The following MYO1E variants were observed in gnomAD, a reference collection of about 807,000 sequenced individuals.
MYO1E encodes myosin IE, also known as unconventional myosin-Ie.
A neutral mutation model predicts 151.1 loss-of-function variants in MYO1E; 68 were observed. The observed-to-expected ratio is 0.45, with a 90% confidence interval of 0.37 to 0.55. The LOEUF is 0.55. Ranked by LOEUF, MYO1E falls within the 20% of genes least tolerant of loss-of-function variation. The pLI is 0.00. For missense variants in MYO1E, 1,363 were observed against 1,389.3 expected (o/e 0.98, Z 0.30); for synonymous variants, 601 against 501.7 (o/e 1.20, Z -2.64).
intron 1 of MYO1E, among the ~76,000 whole-genome samples, chr15:59,280,404 C>A (rs1349483902): frequency 3.9e-5 from 6 of 152,096 alleles, no homozygotes; most frequent in African/African-American, 7.2e-5. Context: ...GTGGGCAGAT[C>A]ACTTGAGGTC....
intron 1 of MYO1E, among the ~76,000 whole-genome samples, chr15:59,346,353 C>A (rs997039750): frequency 2.0e-5 from 3 of 152,142 alleles, no homozygotes; most frequent in Non-Finnish European, 4.4e-5. Flanking sequence ...TAGCCCAGGC[C>A]ACTCTATTAA....
intron 26 of MYO1E, among the ~76,000 whole-genome samples, chr15:59,138,638 T>C (rs1280945909): frequency 1.3e-5 from 2 of 152,156 alleles, no homozygotes; most frequent in Non-Finnish European, 2.9e-5. Flanking sequence ...GAGACACATA[T>C]CCATAAAAAA....
intron 4 of MYO1E, among the ~76,000 whole-genome samples, chr15:59,237,986 G>C (rs2080077115): frequency 6.6e-6 from 1 of 152,166 alleles, no homozygotes; most frequent in African/African-American, 2.4e-5. Flanking sequence ...ACCTGCAAAA[G>C]TCTGAACCCA....
chr15:59,315,192 T>G (rs765700724), intron 1 of MYO1E, among the ~76,000 whole-genome samples: 1 of 152,106 alleles, frequency 6.6e-6, no homozygotes, highest in East Asian at 1.9e-4. Flanking sequence ...CAGACCATGA[T>G]TTTTTTAAGT....
intron 1 of MYO1E, among the ~76,000 whole-genome samples, chr15:59,362,166 T>C (rs1261203191): frequency 1.3e-5 from 2 of 152,174 alleles, no homozygotes; most frequent in African/African-American, 4.8e-5. Flanking sequence ...TCCACACAAA[T>C]ACATATATGT....
chr15:59,218,491 T>C (rs1388586715), intron 9 of MYO1E, among the ~76,000 whole-genome samples: 1 of 152,252 alleles, frequency 6.6e-6, no homozygotes, highest in East Asian at 1.9e-4. Context: ...ATTGTTTTCT[T>C]CCTTTTTAGT....
At chr15:59,151,064 CGTGCACTT>C (rs201414145) in intron 26 of MYO1E, among the ~76,000 whole-genome samples, 12 of 140,644 alleles carry the variant, frequency 8.5e-5, no homozygotes, top group East Asian at 6.0e-4. Context: ...CGCGCGCGCA[CGTGCACTT>C]AGAGAGAGGT....
rs11285934 is a variant in MYO1E, at chr15:59,233,661, T to TAA, written c.421-1872_421-1871dup. 5.1e-3 allele frequency among the ~76,000 whole-genome samples: 399 copies of TAA among 78,096 alleles called. 12 individuals carry two copies. The highest frequency in any genetic ancestry group is 9.3e-3 in the African/African-American group (193 of 20,726). 51.2% of individuals were successfully genotyped at this position (78,096 alleles called of 152,430 possible). On this transcript the variant is annotated intron_variant, in intron 5 of 27. Transcript: ENST00000288235. ...CCTGGCGACAGAGCGAGACTCCGTC[T>TAA]AAAAAAAAAAAAAAAAAAAAAAAAG...
chr15:59,271,265 A>G (rs542918190), intron 2 of MYO1E: 2 of 152,366 alleles, frequency 1.3e-5, no homozygotes, highest in South Asian at 4.1e-4. Context: ...TTAAGTAATC[A>G]TAATAAGCCA....
At chr15:59,220,147 A>G (rs562510729) in intron 9 of MYO1E, among the ~76,000 whole-genome samples, 55 of 152,158 alleles carry the variant, frequency 3.6e-4, no homozygotes, top group South Asian at 2.1e-3. Flanking sequence ...AAGGTCAGGT[A>G]AAAAAAACAA....
intron 26 of MYO1E, among the ~76,000 whole-genome samples, chr15:59,143,087 A>T (rs1341009858): frequency 6.6e-6 from 1 of 152,190 alleles, no homozygotes; most frequent in Non-Finnish European, 1.5e-5. Context: ...GGTCTTTGAT[A>T]TCAAGGCATC....
chr15:59,134,583 T>G lies in MYO1E; in HGVS notation c.*2797A>C, dbSNP rs929331147. ...CTCTCTCTCTTCTACAACTAAAGCT[T>G]GAACACCTCTACCCTAGGGTACACA... On this transcript the variant is annotated 3_prime_UTR_variant, in exon 28 of 28. Transcript: ENST00000288235. 6.6e-6 allele frequency: 1 copy of G among 152,228 alleles called. No individual in the cohort carries two copies. Among genetic ancestry groups the G allele is most frequent in the Non-Finnish European group, 1.5e-5 (1 of 68,060 alleles). 9.4% of individuals were successfully genotyped at this position (152,228 alleles called of 1,614,324 possible).
chr15:59,343,006 C>A (rs1210901278), intron 1 of MYO1E, among the ~76,000 whole-genome samples: 1 of 152,068 alleles, frequency 6.6e-6, no homozygotes, highest in Admixed American at 6.6e-5. Context: ...TGGGTTCATC[C>A]TTTCATCTTT....
chr15:59,331,277 A>C (rs370730518), intron 1 of MYO1E, among the ~76,000 whole-genome samples: 2 of 152,224 alleles, frequency 1.3e-5, no homozygotes, highest in African/African-American at 4.8e-5. Flanking sequence ...TGCTCAGTCC[A>C]CAGGTGGACT....
At chr15:59,217,822 C>T in intron 10 of MYO1E, 69 bp downstream of exon 10, 1 of 1,565,554 alleles carries the variant, frequency 6.4e-7, no homozygotes, top group Non-Finnish European at 8.8e-7. Flanking sequence ...GCCACCGCAC[C>T]CAGCCTACTA....
At position 59,161,822 on chromosome 15, in the gene MYO1E, T is replaced by C. The variant is rs542401683; in HGVS notation, c.2628-592A>G. Among the ~76,000 whole-genome samples, 12 of 152,342 alleles carry C rather than the reference T, an allele frequency of 7.9e-5. No individual in the cohort carries two copies. In the South Asian group the frequency reaches 2.3e-3, roughly 29 times the overall value. ...CCATCCAGTTTTAATGCTTCTATAT[T>C]GCATATATGCCTGTATTATGCAATC... is the stretch of plus-strand genomic sequence containing the variant. On this transcript the variant is annotated intron_variant, in intron 23 of 27. Coordinates refer to ENST00000288235, the MANE Select transcript of MYO1E (RefSeq NM_004998.4).
At chr15:59,143,384 T>A (rs1469125112) in intron 26 of MYO1E, among the ~76,000 whole-genome samples, 2 of 152,126 alleles carry the variant, frequency 1.3e-5, no homozygotes, top group East Asian at 3.9e-4. Context: ...CCTCTGCAGT[T>A]TGCACTTTGC....
intron 16 of MYO1E, among the ~76,000 whole-genome samples, chr15:59,196,994 T>TTTTTA: frequency 8.6e-6 from 1 of 116,632 alleles, no homozygotes; most frequent in Non-Finnish European, 1.7e-5. Context: ...GACTTTTTTT[T>TTTTTA]TTTTTTTTTT....
At chr15:59,249,278 A>T (rs1253109547) in intron 4 of MYO1E, among the ~76,000 whole-genome samples, 1 of 152,116 alleles carries the variant, frequency 6.6e-6, no homozygotes, top group East Asian at 1.9e-4. Flanking sequence ...AAAAAAAATT[A>T]GCTGGGTGTG....
Sources: allele counts gnomAD v4.1 joint callset (sites outside exome capture counted in the v4.1 genomes callset), GRCh38; gene constraint gnomAD v4.1.1; transcripts MANE v1.5; gene names NCBI Gene and HGNC (gene_info 2026-07-23, HGNC 2026-07-21).